The following BUB1B variants were observed in gnomAD, a reference collection of about 807,000 sequenced individuals.
BUB1B encodes BUB1 mitotic checkpoint serine/threonine kinase B, also known as mitotic checkpoint serine/threonine-protein kinase BUB1 beta.
A neutral mutation model predicts 137.7 loss-of-function variants in BUB1B; 86 were observed. The observed-to-expected ratio is 0.62, with a 90% CI of 0.52 to 0.75. The LOEUF (loss-of-function observed/expected upper bound fraction) is 0.75. BUB1B is among the 30% of genes least tolerant of loss of function. The pLI is 0.00. For synonymous variants in BUB1B, 420 were observed against 417.9 expected (o/e 1.00, Z -0.06); for missense variants, 1,130 against 1,236.9 (o/e 0.91, Z 1.30).
intron 21 of BUB1B, 70 bp from the exon 22 acceptor site, chr15:40,218,386 C>T (rs1029060802): frequency 1.7e-6 from 2 of 1,147,216 alleles, no homozygotes; most frequent in African/African-American, 3.0e-5. Context: ...CTTTCAACTT[C>T]CTACCGAAAT....
At chr15:40,169,432 T>TA (rs1377629769) in intron 2 of BUB1B, among the ~76,000 whole-genome samples, 1 of 152,136 alleles carries the variant, frequency 6.6e-6, no homozygotes, top group African/African-American at 2.4e-5. Context: ...TTGTCCGTGT[T>TA]ACTCAGCTTG....
At chr15:40,183,686 C>G (rs1372557250) in intron 5 of BUB1B, 28 bp from the exon 6 acceptor site, 1 of 1,612,568 alleles carries the variant, frequency 6.2e-7, no homozygotes, top group East Asian at 2.2e-5. Context: ...GGTCACCTCA[C>G]TAAAAGTTGT....
At chr15:40,195,629 TCCATG>T (rs2037488888) in intron 8 of BUB1B, among the ~76,000 whole-genome samples, 1 of 152,204 alleles carries the variant, frequency 6.6e-6, no homozygotes, top group Admixed American at 6.5e-5. Flanking sequence ...TTTCACCACA[TCCATG>T]CCAGTGTCTA....
Position 40,200,311 on chromosome 15 carries a change from C to G in BUB1B, c.1469C>G (p.Pro490Arg). 2 of 1,613,854 alleles carry G rather than the reference C, an allele frequency of 1.2e-6. No individual in the cohort carries two copies. Among genetic ancestry groups the G allele is most frequent in the Non-Finnish European group, 1.7e-6 (2 of 1,179,874 alleles). The change falls in exon 11 of 23, where the codon CCA (proline) becomes CGA (arginine). Residue 490 changes from proline (P) to arginine (R), a missense_variant. Transcript: ENST00000287598. ...LQIASESQKIPGMTLSSSVCQ... is the reference protein window; with the variant it reads ...LQIASESQKIRGMTLSSSVCQ... ...ATTGCTTCCGAGTCTCAGAAAATAC[C>G]AGGAATGACTCTATCCAGTTCTGTT...
intron 2 of BUB1B, among the ~76,000 whole-genome samples, chr15:40,167,139 T>C (rs1453258290): frequency 6.6e-6 from 1 of 150,948 alleles, no homozygotes; most frequent in Non-Finnish European, 1.5e-5. Context: ...GTGTTGCAAA[T>C]TTTTTTTCCC....
chr15:40,185,641 A>T lies in BUB1B; in HGVS notation c.1057A>T (p.Met353Leu), dbSNP rs767779974. 10 of 1,612,424 alleles carry T rather than the reference A, an allele frequency of 6.2e-6. No individual in the cohort carries two copies. The highest frequency in any genetic ancestry group is 1.7e-6 in the Non-Finnish European group (2 of 1,178,530). Residue 353 changes from methionine (M) to leucine (L), a missense_variant and splice_region_variant, in exon 8 of 23, where the codon ATG (methionine) becomes TTG (leucine). Physicochemically the swap from Met to Leu is conservative, Grantham distance 15. Transcript: ENST00000287598. ...YVEETARQPV[M>L]TPCKIEPSIN... ...GGAAGAGACTGCACGACAGCCAGTT[A>T]TGTGAGTGTGGTTTTTGGATATTTT...
chr15:40,190,549 G>A (rs532244823), intron 8 of BUB1B, among the ~76,000 whole-genome samples: 132 of 152,246 alleles, frequency 8.7e-4, no homozygotes, highest in African/African-American at 2.9e-3. Context: ...AGGAGTCTAC[G>A]GCTGCAGTGA....
intron 17 of BUB1B, 88 bp from the exon 18 acceptor site, chr15:40,210,022 T>G: frequency 8.9e-7 from 1 of 1,120,968 alleles, no homozygotes; most frequent in Admixed American, 1.8e-5. Flanking sequence ...AATACACCAG[T>G]GCCTCTATCC....
At chr15:40,212,406 C>G in intron 18 of BUB1B, 93 bp from the exon 19 acceptor site, 1 of 938,724 alleles carries the variant, frequency 1.1e-6, no homozygotes, top group Non-Finnish European at 1.7e-6. Context: ...TTTATTATTT[C>G]TCTATCAGAA....
intron 17 of BUB1B, 23 bp from the exon 18 acceptor site, chr15:40,210,087 A>C: frequency 3.2e-6 from 5 of 1,559,606 alleles, no homozygotes; most frequent in Non-Finnish European, 4.4e-6. Context: ...TGATTTTTAA[A>C]TGGAATCAAA....
In BUB1B at chr15:40,199,701, A is replaced by G. The variant is rs1595527859; in HGVS notation, c.1375A>G (p.Thr459Ala). The G allele has an allele frequency of 6.2e-7, 1 of 1,613,736 alleles. No individual in the cohort carries two copies. ...MEKKLKEIQTTQQERTGDQQE... is the reference protein window; with the variant it reads ...MEKKLKEIQTAQQERTGDQQE... The stretch of plus-strand genomic sequence containing the variant: ...GAAGAAGCTAAAAGAAATCCAAACT[A>G]CTCAGCAAGAAAGAACAGGTGATCA... Residue 459 changes from threonine to alanine, a missense_variant, in exon 10 of 23, where the codon ACT (threonine) becomes GCT (alanine). Coordinates refer to ENST00000287598, the MANE Select transcript of BUB1B (RefSeq NM_001211.6).
chr15:40,208,137 TAA>T (rs576507837), intron 15 of BUB1B, among the ~76,000 whole-genome samples: 2 of 140,398 alleles, frequency 1.4e-5, no homozygotes, highest in Non-Finnish European at 3.2e-5. Context: ...AAATGAAAAG[TAA>T]AAAAAAAAAA....
intron 8 of BUB1B, among the ~76,000 whole-genome samples, chr15:40,188,898 C>CT (rs202216000): frequency 6.6e-4 from 100 of 150,880 alleles, no homozygotes; most frequent in South Asian, 8.4e-4. Context: ...GCTTTTTTTT[C>CT]TTTTTTTTTC....
chr15:40,199,547 C>T (rs112018527), intron 9 of BUB1B, 68 bp from the exon 10 acceptor site: 1 of 1,247,208 alleles, frequency 8.0e-7, no homozygotes, highest in Non-Finnish European at 1.2e-6. Context: ...AGATGAGCTC[C>T]AAAGGCAGTT....
Position 40,167,617 on chromosome 15 carries a change from G to A in BUB1B, c.179+2421G>A, listed in dbSNP as rs529618134. 1.9e-3 allele frequency among the ~76,000 whole-genome samples: 285 copies of A among 152,034 alleles called. 1 individual carries two copies. The highest frequency in any genetic ancestry group is 6.5e-3 in the African/African-American group (271 of 41,486). On this transcript the variant is annotated intron_variant, in intron 2 of 22. Coordinates refer to ENST00000287598, the MANE Select transcript of BUB1B (RefSeq NM_001211.6). ...CGGCCTCCCAGAGTGCTGGGATTAC[G>A]GGCATGAGCCACTGCGTCCAGCCAA...
chr15:40,219,740 G>A (rs1015747471), intron 22 of BUB1B, among the ~76,000 whole-genome samples: 1 of 151,416 alleles, frequency 6.6e-6, no homozygotes, highest in Non-Finnish European at 1.5e-5. Flanking sequence ...AAGTATCTAC[G>A]TTCCACTTTA....
At chr15:40,170,267 A>T in intron 3 of BUB1B, 146 bp downstream of exon 3, 16 of 840,730 alleles carry the variant, frequency 1.9e-5, no homozygotes, top group Non-Finnish European at 2.9e-5. Flanking sequence ...ATCATAATAT[A>T]TCTTCCTGAG....
intron 14 of BUB1B, among the ~76,000 whole-genome samples, chr15:40,204,747 C>A (rs1247185001): frequency 7.9e-5 from 12 of 151,758 alleles, no homozygotes; most frequent in Non-Finnish European, 4.4e-5. Context: ...AGCATTCCTC[C>A]CACCTCAGCC....
At chr15:40,166,377 TC>T in intron 2 of BUB1B, 1 of 433,928 alleles carries the variant, frequency 2.3e-6, no homozygotes. Context: ...TCTCGCTCTT[TC>T]GGCCAGGCTG....
Sources: allele counts gnomAD v4.1 joint callset (sites outside exome capture counted in the v4.1 genomes callset), GRCh38; gene constraint gnomAD v4.1.1; transcripts MANE v1.5; gene names NCBI Gene and HGNC (gene_info 2026-07-23, HGNC 2026-07-21).